CHD9: variants seen among roughly 807,000 people sequenced by gnomAD.
The protein encoded by CHD9 is chromodomain helicase DNA binding protein 9, also known as ATP-dependent chromatin remodeler CHD9.
CHD9 carries 77 observed loss-of-function variants against 316.1 expected under a neutral mutation model. The ratio of observed to expected loss-of-function variants is 0.24; its 90% confidence interval spans 0.20 to 0.29. The LOEUF is 0.29. Ranked by LOEUF, CHD9 falls within the 10% of genes least tolerant of loss-of-function variation. The pLI is 1.00. For synonymous variants in CHD9, 1,129 were observed against 1,158.3 expected, an observed-to-expected ratio of 0.97 and a Z score of 0.51; for missense variants, 2,763 against 3,438.1, an observed-to-expected ratio of 0.80 and a Z score of 4.91.
At chr16:53,092,074 G>A (rs559724305) in intron 1 of CHD9, among the ~76,000 whole-genome samples, 1 of 152,202 alleles carries the variant, frequency 6.6e-6, no homozygotes, top group Non-Finnish European at 1.5e-5. Context: ...AGGAAGGCTT[G>A]GAGGCAGGGA....
At chr16:53,321,290 A>G (rs2057258587) in intron 37 of CHD9, 9 of 1,355,094 alleles carry the variant, frequency 6.6e-6, no homozygotes, top group Non-Finnish European at 8.6e-6. Context: ...TATTCATTTT[A>G]CTGTTCTAGT....
chr16:53,245,415 C>A lies in CHD9; in HGVS notation c.3134C>A (p.Pro1045His). The change falls in exon 14 of 39, where the codon CCC (proline) becomes CAC (histidine). Residue 1045 changes from proline to histidine, a missense_variant. Coordinates refer to ENST00000447540, the MANE Select transcript of CHD9 (RefSeq NM_001308319.2). The surrounding 1 kb of genome is among the most constrained non-coding windows in gnomAD (Gnocchi z 4.1). Reference sequence around the variant, plus strand: ...TTTAGTCTTCTTCACTTTCTTGAACCCTTAAGGTTTCCTTCTGAATCAACA... The same window carrying A: ...TTTAGTCTTCTTCACTTTCTTGAACACTTAAGGTTTCCTTCTGAATCAACA... The part of the protein sequence containing the change: ...ELFSLLHFLE[P>H]LRFPSESTFM... The A allele has an allele frequency of 6.2e-7, 1 of 1,605,100 alleles. No individual in the cohort carries two copies. The highest frequency in any genetic ancestry group is 8.5e-7 in the Non-Finnish European group (1 of 1,176,584).
intron 37 of CHD9, chr16:53,321,027 G>C (rs2153114741): frequency 3.7e-6 from 1 of 267,882 alleles, no homozygotes; most frequent in East Asian, 9.7e-5. Context: ...TACATTTAAA[G>C]TACTTAGCAC....
chr16:53,088,415 C>T (rs2035659596), intron 1 of CHD9, among the ~76,000 whole-genome samples: 1 of 151,564 alleles, frequency 6.6e-6, no homozygotes, highest in Admixed American at 6.6e-5. Context: ...GTAGCTGGGA[C>T]TACAGATGCC....
intron 11 of CHD9, 97 bp from the exon 12 acceptor site, chr16:53,238,246 C>G (rs2048797055): frequency 2.7e-6 from 3 of 1,129,984 alleles, no homozygotes; most frequent in Non-Finnish European, 3.7e-6. Flanking sequence ...ATAAATGCAA[C>G]TATTTTATTT....
chr16:53,234,941 T>C (rs954046954), intron 10 of CHD9, among the ~76,000 whole-genome samples: 1 of 152,172 alleles, frequency 6.6e-6, no homozygotes, highest in Non-Finnish European at 1.5e-5. Context: ...TGTAGTTTTC[T>C]GGTGATGTCT....
At chr16:53,111,769 T>A (rs920865623) in intron 1 of CHD9, among the ~76,000 whole-genome samples, 2 of 152,238 alleles carry the variant, frequency 1.3e-5, no homozygotes, top group Admixed American at 6.5e-5. Context: ...AAAACGTTCA[T>A]ATGGTTTGAT....
intron 1 of CHD9, among the ~76,000 whole-genome samples, chr16:53,060,233 T>C (rs1596836263): frequency 6.6e-6 from 1 of 151,692 alleles, no homozygotes; most frequent in African/African-American, 2.4e-5. Context: ...TCACAGGCTA[T>C]ACAAAAACAG....
intron 1 of CHD9, among the ~76,000 whole-genome samples, chr16:53,096,682 A>G (rs1470984373): frequency 6.6e-6 from 1 of 152,224 alleles, no homozygotes; most frequent in Non-Finnish European, 1.5e-5. Context: ...TCACTGTGTT[A>G]TTCTCTTTCA....
intron 24 of CHD9, among the ~76,000 whole-genome samples, chr16:53,279,386 A>G (rs2053189464): frequency 6.6e-6 from 1 of 152,152 alleles, no homozygotes; most frequent in South Asian, 2.1e-4. Flanking sequence ...GGGGAGGGAT[A>G]GCATTAGGAG....
chr16:53,139,530 G>C (rs2039952273), intron 1 of CHD9, among the ~76,000 whole-genome samples: 1 of 152,178 alleles, frequency 6.6e-6, no homozygotes, highest in South Asian at 2.1e-4. Flanking sequence ...AAGGTGATTA[G>C]AGAACAGTAT....
chr16:53,071,368 T>C (rs1460101336), intron 1 of CHD9, among the ~76,000 whole-genome samples: 3 of 152,184 alleles, frequency 2.0e-5, no homozygotes, highest in Non-Finnish European at 4.4e-5. Context: ...TGGTGTTATA[T>C]AGACAATGAC....
chr16:53,317,010 C>A, intron 36 of CHD9, among the ~76,000 whole-genome samples: 1 of 151,834 alleles, frequency 6.6e-6, no homozygotes, highest in Admixed American at 6.6e-5. Flanking sequence ...ACCAACCTGG[C>A]AAACATGGTA....
chr16:53,309,199 T>C (rs746307401), intron 34 of CHD9, among the ~76,000 whole-genome samples: 1 of 152,218 alleles, frequency 6.6e-6, no homozygotes, highest in African/African-American at 2.4e-5. Context: ...AGAAAAACTT[T>C]AGAGATTGTA....
intron 34 of CHD9, 49 bp from the exon 35 acceptor site, chr16:53,314,328 G>A: frequency 2.2e-6 from 3 of 1,376,552 alleles, no homozygotes; most frequent in Non-Finnish European, 3.0e-6. Flanking sequence ...CTTTCAGTTT[G>A]TTTAAGAACT....
At chr16:53,237,082 A>G (rs1036312354) in intron 11 of CHD9, among the ~76,000 whole-genome samples, 2 of 152,130 alleles carry the variant, frequency 1.3e-5, no homozygotes, top group Non-Finnish European at 2.9e-5. Flanking sequence ...AACACAACAG[A>G]TTAAAAATTA....
intron 2 of CHD9, among the ~76,000 whole-genome samples, chr16:53,192,602 A>G (rs2044563962): frequency 6.6e-6 from 1 of 152,204 alleles, no homozygotes; most frequent in Admixed American, 6.5e-5. Flanking sequence ...GACACAGATT[A>G]TTGCTCTCAT....
rs77957274 is a variant in CHD9, at chr16:53,259,578, C to G, written c.4210-3409C>G. ...TCAAGCTGGAGTGCAGTGGTGCAAT[C>G]AACGATTCACTACAGCCTTGACTTC... On this transcript the variant is annotated intron_variant, in intron 19 of 38. Coordinates refer to ENST00000447540, the MANE Select transcript of CHD9 (RefSeq NM_001308319.2). Among the ~76,000 whole-genome samples the G allele has an allele frequency of 2.2e-3, 329 of 152,208 alleles. 2 individuals carry two copies. Among genetic ancestry groups the G allele is most frequent in the African/African-American group, 7.6e-3 (316 of 41,516 alleles).
At chr16:53,144,593 A>G (rs1468998662) in intron 1 of CHD9, among the ~76,000 whole-genome samples, 1 of 149,400 alleles carries the variant, frequency 6.7e-6, no homozygotes, top group Non-Finnish European at 1.5e-5. Context: ...CAGTGGTGCT[A>G]TCTTGGCTCA....
Sources: gnomAD v4.1 joint callset for allele counts (sites outside exome capture counted in the v4.1 genomes callset) on GRCh38, gnomAD v4.1.1 for gene constraint, Gnocchi (gnomAD v3.1) non-coding constraint, MANE v1.5 for transcripts, NCBI Gene and HGNC (gene_info 2026-07-23, HGNC 2026-07-21) for gene names.